Variants in ZNF253 observed in about 807,000 individuals in gnomAD.
The protein encoded by ZNF253 is zinc finger protein 253.
Under a neutral mutation model 11.9 loss-of-function variants are expected in ZNF253, and 8 were observed. The ratio of observed to expected loss-of-function variants is 0.67; its 90% CI spans 0.40 to 1.22. The LOEUF is 1.22. ZNF253 is among the 50% of genes most tolerant of loss of function. ZNF253 has a pLI of 0.01. For missense variants in ZNF253, 485 were observed against 586.9 expected (o/e 0.83, Z 1.79); for synonymous variants, 194 against 194.9 (o/e 1.00, Z 0.04).
At chr19:19,881,065 C>G (rs2122122306) in intron 3 of ZNF253, among the ~76,000 whole-genome samples, 1 of 149,026 alleles carries the variant, frequency 6.7e-6, no homozygotes, top group South Asian at 2.1e-4. Flanking sequence ...AAAAATACTG[C>G]AATTTTGATA....
intron 3 of ZNF253, among the ~76,000 whole-genome samples, chr19:19,885,968 G>A (rs1240998796): frequency 6.6e-6 from 1 of 152,160 alleles, no homozygotes; most frequent in Non-Finnish European, 1.5e-5. Flanking sequence ...AAAACACACA[G>A]TGTATAATTT....
Position 19,892,690 on chromosome 19 carries a change from A to C in ZNF253, c.1443A>C (p.Ile481=). The C allele has an allele frequency of 6.2e-7, 1 of 1,609,368 alleles. No individual in the cohort carries two copies. Among genetic ancestry groups the C allele is most frequent in the East Asian group, 2.2e-5 (1 of 44,826 alleles). The change falls in exon 4 of 4, where the codon ATA becomes ATC. Residue 481 remains isoleucine (I), a synonymous_variant. Transcript: ENST00000589717. ...TTCATATTGAACGAAAACCCTACAT[A>C]GTGAAGAATGTGACAGATCTTTTAA... is the stretch of plus-strand genomic sequence containing the variant. ...KKIHIERKPY[I]VKNVTDLLNV...
At chr19:19,866,030 G>A (rs1427852139) in intron 1 of ZNF253, 31 bp downstream of exon 1, 1 of 1,614,008 alleles carries the variant, frequency 6.2e-7, no homozygotes, top group Non-Finnish European at 8.5e-7. Context: ...CCCGAGAGAG[G>A]GGAGAGGCTG....
chr19:19,876,906 C>T (rs929151565), intron 1 of ZNF253, among the ~76,000 whole-genome samples: 3 of 152,060 alleles, frequency 2.0e-5, no homozygotes, highest in African/African-American at 7.2e-5. Flanking sequence ...TACCTTAGAG[C>T]CTTCTCTACA....
intron 3 of ZNF253, among the ~76,000 whole-genome samples, chr19:19,885,278 T>TC (rs1189959408): frequency 4.9e-5 from 3 of 61,400 alleles, no homozygotes; most frequent in African/African-American, 4.2e-4. Flanking sequence ...TTTCTTTCTT[T>TC]CTTTCTTTCT....
At chr19:19,873,053 G>A (rs1003392457) in intron 1 of ZNF253, among the ~76,000 whole-genome samples, 1 of 152,142 alleles carries the variant, frequency 6.6e-6, no homozygotes, top group African/African-American at 2.4e-5. Context: ...TGTCAGCATA[G>A]ACATCCTACA....
At chr19:19,868,930 C>T (rs1323992640) in intron 1 of ZNF253, among the ~76,000 whole-genome samples, 2 of 152,042 alleles carry the variant, frequency 1.3e-5, no homozygotes, top group Admixed American at 6.5e-5. Context: ...TTTTGAAATA[C>T]ATGTAAATCA....
intron 3 of ZNF253, among the ~76,000 whole-genome samples, chr19:19,888,054 G>T (rs542901614): frequency 1.3e-5 from 2 of 151,720 alleles, no homozygotes; most frequent in Admixed American, 6.6e-5. Context: ...ACTTACTAAT[G>T]TTATCTATTT....
chr19:19,887,428 C>G (rs1424786056), intron 3 of ZNF253, among the ~76,000 whole-genome samples: 1 of 152,044 alleles, frequency 6.6e-6, no homozygotes, highest in Non-Finnish European at 1.5e-5. Context: ...TTCTGAGTAG[C>G]TGGGATTAAA....
At chr19:19,887,460 C>G (rs2063210800) in intron 3 of ZNF253, among the ~76,000 whole-genome samples, 1 of 151,972 alleles carries the variant, frequency 6.6e-6, no homozygotes, top group Non-Finnish European at 1.5e-5. Context: ...CCACACCTGG[C>G]TAATTTTTTT....
chr19:19,887,490 G>C (rs10408890), intron 3 of ZNF253, among the ~76,000 whole-genome samples: 1 of 151,734 alleles, frequency 6.6e-6, no homozygotes, highest in African/African-American at 2.4e-5. Context: ...CTAGTGACAG[G>C]GTTCCACCAT....
chr19:19,866,912 T>C (rs1011586776), intron 1 of ZNF253, among the ~76,000 whole-genome samples: 2 of 151,944 alleles, frequency 1.3e-5, no homozygotes, highest in Admixed American at 1.3e-4. Flanking sequence ...GCGGTTTGGG[T>C]TGTTTACGGA....
chr19:19,893,722 C>G lies in ZNF253; in HGVS notation c.*975C>G, dbSNP rs1265066844. The G allele has an allele frequency of 6.6e-6, 1 of 152,106 alleles. No homozygotes were observed. The highest frequency in any genetic ancestry group is 1.5e-5 in the Non-Finnish European group (1 of 68,004). 9.4% of individuals were successfully genotyped at this position (152,106 alleles called of 1,614,324 possible). A position where few individuals can be genotyped will look rare whatever the true frequency, so the allele number is the denominator to read the frequency against. On this transcript the variant is annotated 3_prime_UTR_variant, in exon 4 of 4. Transcript: ENST00000589717. ...AAAGCATTAAAAGTGCAATTACTGT[C>G]AAAAAATCTTTCAGAAAATAGAAGT...
chr19:19,865,916 GA>G lies in ZNF253; in HGVS notation c.-80del. On this transcript the variant is annotated 5_prime_UTR_variant, in exon 1 of 4. Coordinates refer to ENST00000589717, the MANE Select transcript of ZNF253 (RefSeq NM_021047.3). Reference sequence around the variant, plus strand: ...CAGTGTTCTGTGTCCTGTGCTTATAGAGGCCCGTCCTCTGTGGCCGTGTGAC... The same window carrying G: ...CAGTGTTCTGTGTCCTGTGCTTATAGGGCCCGTCCTCTGTGGCCGTGTGAC... 6.4e-7 allele frequency: 1 copy of G among 1,565,454 alleles called. No individual in the cohort carries two copies. The highest frequency in any genetic ancestry group is 8.8e-7 in the Non-Finnish European group (1 of 1,135,654).
At chr19:19,871,989 T>G (rs948079986) in intron 1 of ZNF253, among the ~76,000 whole-genome samples, 1 of 152,160 alleles carries the variant, frequency 6.6e-6, no homozygotes, top group African/African-American at 2.4e-5. Context: ...GCAAAGTGCA[T>G]GCTGTCCCCT....
At chr19:19,883,586 G>A (rs1295125665) in intron 3 of ZNF253, among the ~76,000 whole-genome samples, 4 of 151,956 alleles carry the variant, frequency 2.6e-5, no homozygotes, top group African/African-American at 7.3e-5. Context: ...AAAAAAAGTT[G>A]TTCATTTCAG....
chr19:19,872,963 C>G (rs1280245439), intron 1 of ZNF253, among the ~76,000 whole-genome samples: 1 of 152,006 alleles, frequency 6.6e-6, no homozygotes, highest in Non-Finnish European at 1.5e-5. Context: ...TGGCCTCTAC[C>G]ACAGATTTAC....
chr19:19,894,216 A>G lies in ZNF253; in HGVS notation c.*1469A>G, dbSNP rs940136209. 6.6e-6 allele frequency: 1 copy of G among 152,218 alleles called. No homozygotes were observed. The highest frequency in any genetic ancestry group is 2.4e-5 in the African/African-American group (1 of 41,462). 9.4% of individuals were successfully genotyped at this position (152,218 alleles called of 1,614,324 possible). ...AAAAAGTGGATTTTTGAAGCACTGTAATTACATTGAAAGTATACTTGTTTT... is the reference window on the plus strand; with the variant it reads ...AAAAAGTGGATTTTTGAAGCACTGTGATTACATTGAAAGTATACTTGTTTT... On this transcript the variant is annotated 3_prime_UTR_variant, in exon 4 of 4. Coordinates refer to ENST00000589717, the MANE Select transcript of ZNF253 (RefSeq NM_021047.3).
chr19:19,880,486 C>T (rs542180093), intron 3 of ZNF253, among the ~76,000 whole-genome samples: 3 of 152,018 alleles, frequency 2.0e-5, no homozygotes, highest in African/African-American at 7.2e-5. Flanking sequence ...AGGTGGATCA[C>T]GGGAGGTCAG....
Sources: gnomAD v4.1 joint callset for allele counts (sites outside exome capture counted in the v4.1 genomes callset) on GRCh38, gnomAD v4.1.1 for gene constraint, MANE v1.5 for transcripts, NCBI Gene and HGNC (gene_info 2026-07-23, HGNC 2026-07-21) for gene names.